Variants in GPC3 observed in about 807,000 individuals in gnomAD.
GPC3 encodes glypican-3.
A neutral mutation model predicts 34.4 loss-of-function variants in GPC3; 3 were observed. That is an observed-to-expected ratio of 0.09 (90% CI 0.04 to 0.23). The LOEUF is 0.23. GPC3 is among the 10% of genes least tolerant of loss of function. GPC3 has a pLI of 1.00. For synonymous variants in GPC3, 177 were observed against 174.0 expected (o/e 1.02, Z -0.13); for missense variants, 351 against 445.6 (o/e 0.79, Z 1.91).
chrX:133,952,796 T>G (rs745411056), intron 2 of GPC3, among the ~76,000 whole-genome samples: 122 of 112,842 alleles, frequency 1.1e-3, no homozygotes, highest in Non-Finnish European at 1.7e-3. Flanking sequence ...CTGTAGAGAT[T>G]TATAACCTTT....
At chrX:133,593,026 T>C (rs1356561661) in intron 7 of GPC3, among the ~76,000 whole-genome samples, 1 of 111,042 alleles carries the variant, frequency 9.0e-6, no homozygotes, top group Admixed American at 9.5e-5. Flanking sequence ...TCAATCTCTA[T>C]AGAAATAAAA....
At chrX:133,616,285 T>C (rs1002624225) in intron 6 of GPC3, among the ~76,000 whole-genome samples, 1 of 111,742 alleles carries the variant, frequency 8.9e-6, no homozygotes, top group Non-Finnish European at 1.9e-5. Flanking sequence ...TACAATTACA[T>C]CCAAAAAAAT....
At chrX:133,689,497 G>A (rs1423037267) in intron 5 of GPC3, among the ~76,000 whole-genome samples, 4 of 111,509 alleles carry the variant, frequency 3.6e-5, no homozygotes, top group African/African-American at 1.3e-4. Flanking sequence ...GTCAGTATGA[G>A]CAAAATTCAA....
At chrX:133,641,905 C>A (rs1395217234) in intron 6 of GPC3, among the ~76,000 whole-genome samples, 4 of 112,256 alleles carry the variant, frequency 3.6e-5, no homozygotes, top group Admixed American at 2.8e-4. Context: ...AAGTCTCTGA[C>A]GTTGCAAAGC....
chrX:133,857,839 A>G (rs769804963), intron 2 of GPC3, among the ~76,000 whole-genome samples: 1 of 112,492 alleles, frequency 8.9e-6, no homozygotes, highest in African/African-American at 3.2e-5. Context: ...AGTACAGTCC[A>G]CTAAGCCTTT....
chrX:133,979,439 CAAGT>C (rs991811523), intron 1 of GPC3, among the ~76,000 whole-genome samples: 11 of 111,761 alleles, frequency 9.8e-5, no homozygotes, highest in Admixed American at 1.9e-4. Context: ...AAATTGCAAA[CAAGT>C]ATTTCTAATA....
intron 2 of GPC3, among the ~76,000 whole-genome samples, chrX:133,852,553 G>A (rs1024856298): frequency 9.0e-6 from 1 of 111,651 alleles, no homozygotes; most frequent in Non-Finnish European, 1.9e-5. Flanking sequence ...CACTTCTAAT[G>A]AGCTGCCAAT....
intron 2 of GPC3, among the ~76,000 whole-genome samples, chrX:133,864,843 T>A (rs1191105684): frequency 8.9e-6 from 1 of 112,761 alleles, no homozygotes; most frequent in East Asian, 2.8e-4. Flanking sequence ...ATGACAAGTG[T>A]TCATCCTGGA....
intron 2 of GPC3, among the ~76,000 whole-genome samples, chrX:133,924,253 T>C (rs984314758): frequency 9.0e-6 from 1 of 111,570 alleles, no homozygotes; most frequent in African/African-American, 3.3e-5. Flanking sequence ...GCACAATATA[T>C]AGAACCCAAC....
intron 7 of GPC3, among the ~76,000 whole-genome samples, chrX:133,585,960 A>G (rs1359025959): frequency 8.9e-6 from 1 of 112,025 alleles, no homozygotes; most frequent in Non-Finnish European, 1.9e-5. Context: ...TACTTACTCA[A>G]TTCTTAGAGT....
chrX:133,931,440 C>T (rs1429859819), intron 2 of GPC3, among the ~76,000 whole-genome samples: 1 of 110,623 alleles, frequency 9.0e-6, no homozygotes, highest in Non-Finnish European at 1.9e-5. Context: ...AGGGCTGAAA[C>T]CAGGGCAGTG....
intron 1 of GPC3, among the ~76,000 whole-genome samples, chrX:133,965,928 A>G (rs1451763398): frequency 1.1e-4 from 12 of 111,353 alleles, no homozygotes; most frequent in Non-Finnish European, 2.3e-4. Flanking sequence ...ACACCTGGAT[A>G]GTACTGGAGA....
intron 7 of GPC3, among the ~76,000 whole-genome samples, chrX:133,558,630 C>T (rs1366703537): frequency 1.8e-5 from 2 of 110,834 alleles, no homozygotes; most frequent in Non-Finnish European, 3.8e-5. Flanking sequence ...CGGTGGCTCA[C>T]GCCTGTAATC....
intron 7 of GPC3, among the ~76,000 whole-genome samples, chrX:133,556,634 C>G (rs888424629): frequency 1.8e-5 from 2 of 108,333 alleles, no homozygotes; most frequent in African/African-American, 6.7e-5. Context: ...GGACAAGTTA[C>G]AAGACAGAAG....
chrX:133,575,182 G>A lies in GPC3; in HGVS notation c.1573+21258C>T, dbSNP rs2069667666. Among the ~76,000 whole-genome samples, 4 of 111,991 alleles carry A rather than the reference G, an allele frequency of 3.6e-5. No homozygotes were observed. In the Admixed American group the frequency reaches 3.8e-4, roughly 11 times the overall value. Reference sequence around the variant, plus strand: ...TTTATATCCCTTATCTATAAAATGGGAGTTATATTACCAATGTTCCATAGG... The same window carrying A: ...TTTATATCCCTTATCTATAAAATGGAAGTTATATTACCAATGTTCCATAGG... On this transcript the variant is annotated intron_variant, in intron 7 of 7. Coordinates refer to ENST00000370818, the MANE Select transcript of GPC3 (RefSeq NM_004484.4).
At chrX:133,854,867 C>A (rs1471492107) in intron 2 of GPC3, among the ~76,000 whole-genome samples, 4 of 111,831 alleles carry the variant, frequency 3.6e-5, no homozygotes, top group Non-Finnish European at 5.6e-5. Context: ...TATATCCACA[C>A]AAGTGAATTC....
intron 6 of GPC3, among the ~76,000 whole-genome samples, chrX:133,649,449 T>G (rs1309826913): frequency 9.0e-6 from 1 of 111,440 alleles, no homozygotes; most frequent in Non-Finnish European, 1.9e-5. Flanking sequence ...TATATTATAA[T>G]GAAACCTGCA....
At chrX:133,973,489 C>A (rs1363653875) in intron 1 of GPC3, among the ~76,000 whole-genome samples, 2 of 112,315 alleles carry the variant, frequency 1.8e-5, no homozygotes, top group African/African-American at 6.5e-5. Context: ...ACTATTCCAC[C>A]AACCTGAAAG....
At chrX:133,842,170 A>G (rs1276583907) in intron 2 of GPC3, among the ~76,000 whole-genome samples, 1 of 110,105 alleles carries the variant, frequency 9.1e-6, no homozygotes, top group Non-Finnish European at 1.9e-5. Context: ...TACAAAAATT[A>G]GCTGGGTGTG....
Sources: gnomAD v4.1 joint callset for allele counts (sites outside exome capture counted in the v4.1 genomes callset) on GRCh38, gnomAD v4.1.1 for gene constraint, MANE v1.5 for transcripts, NCBI Gene and HGNC (gene_info 2026-07-23, HGNC 2026-07-21) for gene names.